Variants in ZNF385B observed in about 807,000 individuals in gnomAD.
ZNF385B encodes zinc finger protein 533.
A neutral mutation model predicts 39.2 loss-of-function variants in ZNF385B; 23 were observed. The ratio of observed to expected loss-of-function variants is 0.59; its 90% CI spans 0.42 to 0.83. ZNF385B has a LOEUF of 0.83. Ranked by LOEUF, ZNF385B falls within the 40% of genes least tolerant of loss-of-function variation. ZNF385B has a pLI of 0.00. For synonymous variants in ZNF385B, 205 were observed against 222.6 expected (o/e 0.92, Z 0.70); for missense variants, 552 against 598.9 (o/e 0.92, Z 0.82).
At chr2:179,782,119 C>G (rs57357386) in intron 1 of ZNF385B, among the ~76,000 whole-genome samples, 1 of 152,010 alleles carries the variant, frequency 6.6e-6, no homozygotes, top group South Asian at 2.1e-4. Flanking sequence ...AGCAGTACTT[C>G]AAAAAGCGAA....
chr2:179,637,612 T>C (rs1214632971), intron 3 of ZNF385B, among the ~76,000 whole-genome samples: 1 of 151,562 alleles, frequency 6.6e-6, no homozygotes, highest in East Asian at 1.9e-4. Flanking sequence ...GACTTACTAT[T>C]CATCAAGCAT....
intron 4 of ZNF385B, among the ~76,000 whole-genome samples, chr2:179,520,242 C>T (rs1448756923): frequency 2.0e-5 from 3 of 151,772 alleles, no homozygotes; most frequent in Non-Finnish European, 4.4e-5. Flanking sequence ...TTACACAAAT[C>T]TATACATATA....
chr2:179,589,990 T>A (rs994571657), intron 3 of ZNF385B, among the ~76,000 whole-genome samples: 3 of 152,146 alleles, frequency 2.0e-5, no homozygotes, highest in South Asian at 2.1e-4. Context: ...TGGGAAAAAA[T>A]TTAGCATGGC....
chr2:179,510,885 T>G (rs2057631279), intron 5 of ZNF385B, among the ~76,000 whole-genome samples: 1 of 152,150 alleles, frequency 6.6e-6, no homozygotes, highest in Admixed American at 6.5e-5. Context: ...ATAGAATTTC[T>G]AGAGTTAAAA....
At chr2:179,783,112 T>C (rs917314215) in intron 1 of ZNF385B, among the ~76,000 whole-genome samples, 1 of 152,070 alleles carries the variant, frequency 6.6e-6, no homozygotes, top group Non-Finnish European at 1.5e-5. Flanking sequence ...CCAAATAGCA[T>C]AGGACTGGTA....
rs138507671 is a variant in ZNF385B, at chr2:179,733,057, G to T, written c.298+36446C>A. Among the ~76,000 whole-genome samples the T allele has an allele frequency of 2.0e-4, 31 of 152,292 alleles. 1 individual carries two copies. The East Asian group carries it at 5.8e-3, about 28-fold the overall frequency. On this transcript the variant is annotated intron_variant, in intron 3 of 9. Coordinates refer to ENST00000410066, the MANE Select transcript of ZNF385B (RefSeq NM_152520.6). Reference sequence around the variant, plus strand: ...AGTTTTAAAGGAGGGACATTCAGATGACTATGTACAATCATGAATTCTTGC... The same window carrying T: ...AGTTTTAAAGGAGGGACATTCAGATTACTATGTACAATCATGAATTCTTGC...
chr2:179,511,409 G>C (rs2057672821), intron 5 of ZNF385B, among the ~76,000 whole-genome samples: 1 of 152,140 alleles, frequency 6.6e-6, no homozygotes, highest in Non-Finnish European at 1.5e-5. Context: ...AAGAAACCAG[G>C]AAATTGGAAT....
chr2:179,538,834 T>C (rs533914929), intron 4 of ZNF385B, among the ~76,000 whole-genome samples: 258 of 152,328 alleles, frequency 1.7e-3, no homozygotes, highest in African/African-American at 6.0e-3. Flanking sequence ...CCTAGAGCAG[T>C]TGTAAAAACA....
chr2:179,850,482 T>C (rs1174478287), intron 1 of ZNF385B, among the ~76,000 whole-genome samples: 1 of 152,220 alleles, frequency 6.6e-6, no homozygotes, highest in Non-Finnish European at 1.5e-5. Context: ...CTGAATCTGG[T>C]TGTGCCTGCT....
At chr2:179,476,191 T>C (rs1440190057) in intron 6 of ZNF385B, among the ~76,000 whole-genome samples, 3 of 152,108 alleles carry the variant, frequency 2.0e-5, no homozygotes, top group African/African-American at 7.2e-5. Context: ...AAGTAGAGTG[T>C]CATAAAAATG....
chr2:179,477,080 A>G (rs1308915702), intron 6 of ZNF385B, among the ~76,000 whole-genome samples: 1 of 152,144 alleles, frequency 6.6e-6, no homozygotes, highest in Non-Finnish European at 1.5e-5. Flanking sequence ...AGCTAAGAAG[A>G]CCTTGCTGGC....
At chr2:179,625,711 G>T (rs1016346413) in intron 3 of ZNF385B, among the ~76,000 whole-genome samples, 14 of 152,026 alleles carry the variant, frequency 9.2e-5, no homozygotes, top group Non-Finnish European at 1.8e-4. Context: ...TAATAGGGCT[G>T]GTACAAGGAA....
chr2:179,676,142 G>C (rs1371005404), intron 3 of ZNF385B, among the ~76,000 whole-genome samples: 2 of 150,532 alleles, frequency 1.3e-5, no homozygotes, highest in African/African-American at 2.5e-5. Flanking sequence ...AGGCTGGAGT[G>C]CAGTGGCACG....
At chr2:179,608,318 G>C (rs1441609877) in intron 3 of ZNF385B, among the ~76,000 whole-genome samples, 1 of 152,068 alleles carries the variant, frequency 6.6e-6, no homozygotes, top group African/African-American at 2.4e-5. Context: ...AAGGGGTGCA[G>C]AAACCATGCA....
At chr2:179,680,283 G>A (rs1282919751) in intron 3 of ZNF385B, among the ~76,000 whole-genome samples, 1 of 152,086 alleles carries the variant, frequency 6.6e-6, no homozygotes, top group Non-Finnish European at 1.5e-5. Flanking sequence ...AAGTATTTCT[G>A]AACAGATTAT....
intron 3 of ZNF385B, among the ~76,000 whole-genome samples, chr2:179,585,538 CA>C (rs1212696548): frequency 2.0e-5 from 3 of 152,114 alleles, no homozygotes; most frequent in Admixed American, 2.0e-4. Context: ...AGTTGAAAAG[CA>C]ATGAATTCAA....
intron 1 of ZNF385B, among the ~76,000 whole-genome samples, chr2:179,825,698 T>G (rs1280389806): frequency 6.6e-6 from 1 of 152,172 alleles, no homozygotes; most frequent in African/African-American, 2.4e-5. Flanking sequence ...CACCAAGCCA[T>G]CTGAGAATGG....
intron 1 of ZNF385B, among the ~76,000 whole-genome samples, chr2:179,838,930 G>GA (rs1553543326): frequency 6.7e-6 from 1 of 148,490 alleles, no homozygotes; most frequent in South Asian, 2.2e-4. Context: ...AAAAAAAAAG[G>GA]GGGGGGGGCA....
chr2:179,805,724 G>A (rs1706307835), intron 1 of ZNF385B, among the ~76,000 whole-genome samples: 1 of 152,132 alleles, frequency 6.6e-6, no homozygotes, highest in African/African-American at 2.4e-5. Flanking sequence ...ATAGAATGGT[G>A]CCTGGCATTC....
Sources: gnomAD v4.1 joint callset for allele counts (sites outside exome capture counted in the v4.1 genomes callset) on GRCh38, gnomAD v4.1.1 for gene constraint, MANE v1.5 for transcripts, NCBI Gene and HGNC (gene_info 2026-07-23, HGNC 2026-07-21) for gene names.